The following ATE1 variants were observed in gnomAD, a reference collection of about 807,000 sequenced individuals.
The protein encoded by ATE1 is arginyltransferase 1, also known as arginyl-tRNA--protein transferase 1.
Under a neutral mutation model 70.5 loss-of-function variants are expected in ATE1, and 36 were observed. The observed-to-expected ratio is 0.51, with a 90% confidence interval of 0.39 to 0.67. The LOEUF is 0.67. Among genes scored for constraint, ATE1 ranks in the 30% least tolerant of loss-of-function variants. ATE1 has a pLI of 0.00. For missense variants in ATE1, 593 were observed against 629.5 expected (o/e 0.94, Z 0.62); for synonymous variants, 232 against 219.3 (o/e 1.06, Z -0.51).
At chr10:121,760,050 G>A (rs759747366) in intron 11 of ATE1, among the ~76,000 whole-genome samples, 8 of 152,162 alleles carry the variant, frequency 5.3e-5, no homozygotes, top group African/African-American at 9.7e-5. Context: ...TCTTTGCAGC[G>A]TATTTTACTG....
chr10:121,822,345 A>G (rs1947831172), intron 10 of ATE1, among the ~76,000 whole-genome samples: 1 of 152,220 alleles, frequency 6.6e-6, no homozygotes, highest in Non-Finnish European at 1.5e-5. Flanking sequence ...ACTAGTCTGT[A>G]GTGTTAAAAG....
intron 7 of ATE1, among the ~76,000 whole-genome samples, chr10:121,886,667 C>T (rs576461855): frequency 3.2e-4 from 49 of 152,264 alleles, no homozygotes; most frequent in African/African-American, 1.2e-3. Context: ...ATTAGAAGTG[C>T]TTTGGTTTTT....
At chr10:121,791,024 A>G (rs1021099722) in intron 10 of ATE1, among the ~76,000 whole-genome samples, 1 of 150,320 alleles carries the variant, frequency 6.7e-6, no homozygotes, top group Admixed American at 6.7e-5. Context: ...ACATGTGTGT[A>G]TATATGTATA....
chr10:121,793,626 G>A (rs1273016680), intron 10 of ATE1, among the ~76,000 whole-genome samples: 1 of 152,070 alleles, frequency 6.6e-6, no homozygotes, highest in Non-Finnish European at 1.5e-5. Flanking sequence ...AGAGGAATTT[G>A]CATTTTTCTT....
chr10:121,810,918 G>A (rs1247457999), intron 10 of ATE1, among the ~76,000 whole-genome samples: 4 of 151,932 alleles, frequency 2.6e-5, no homozygotes, highest in Non-Finnish European at 2.9e-5. Context: ...GGCCAGGCTG[G>A]TCTCGAACTC....
At position 121,887,835 on chromosome 10, in the gene ATE1, C is replaced by T. The variant is rs567861806; in HGVS notation, c.942+12031G>A. On this transcript the variant is annotated intron_variant, in intron 7 of 11. Transcript: ENST00000224652. ...GGTGAGAGGTAGGGAGTTGTGAATA[C>T]AGAGAGAAATCTCTTCTTTACAGAG... Among the ~76,000 whole-genome samples the T allele has an allele frequency of 2.6e-5, 4 of 152,286 alleles. No homozygotes were observed. In the South Asian group the frequency reaches 8.3e-4, roughly 32 times the overall value.
At chr10:121,790,320 C>T (rs575222726) in intron 10 of ATE1, 31 bp from the exon 11 acceptor site, 1 of 1,609,416 alleles carries the variant, frequency 6.2e-7, no homozygotes, top group Non-Finnish European at 8.5e-7. Flanking sequence ...AAGGCACAGG[C>T]ATTATTAACA....
chr10:121,828,487 C>G (rs972468744), intron 10 of ATE1, among the ~76,000 whole-genome samples: 3 of 152,168 alleles, frequency 2.0e-5, no homozygotes, highest in African/African-American at 7.2e-5. Context: ...CTTCAGGCCT[C>G]ATACAGTGGC....
chr10:121,810,874 TG>T (rs1398556935), intron 10 of ATE1, among the ~76,000 whole-genome samples: 1 of 152,040 alleles, frequency 6.6e-6, no homozygotes, highest in Non-Finnish European at 1.5e-5. Flanking sequence ...AGCTAATTTT[TG>T]TATTTTTAAT....
At chr10:121,923,512 G>C (rs1166546347) in intron 2 of ATE1, among the ~76,000 whole-genome samples, 1 of 152,124 alleles carries the variant, frequency 6.6e-6, no homozygotes, top group Non-Finnish European at 1.5e-5. Context: ...CCTTATCATG[G>C]CATGTGAAGT....
intron 2 of ATE1, among the ~76,000 whole-genome samples, chr10:121,923,396 T>A (rs1350066638): frequency 6.6e-6 from 1 of 152,106 alleles, no homozygotes; most frequent in Non-Finnish European, 1.5e-5. Context: ...GTGTGGGAAT[T>A]TGGGGTTACA....
chr10:121,805,743 C>A (rs918442310), intron 10 of ATE1, among the ~76,000 whole-genome samples: 1 of 152,112 alleles, frequency 6.6e-6, no homozygotes, highest in Non-Finnish European at 1.5e-5. Context: ...AAATCCTTAA[C>A]GTTTGCAAGA....
In ATE1 at chr10:121,764,303, C is replaced by T. The variant is rs375695998; in HGVS notation, c.1379-20445G>A. ...GAGAATGTTCTACACTACACCTTTG[C>T]CGTTTTTCTATAAATCTACAACTAT... On this transcript the variant is annotated intron_variant, in intron 11 of 11. Transcript: ENST00000224652. Among the ~76,000 whole-genome samples, 9 of 151,922 alleles carry T rather than the reference C, an allele frequency of 5.9e-5. No homozygotes were observed. The East Asian group carries it at 9.7e-4, about 16-fold the overall frequency.
intron 11 of ATE1, among the ~76,000 whole-genome samples, chr10:121,762,065 G>A (rs1342842749): frequency 6.6e-6 from 1 of 152,076 alleles, no homozygotes; most frequent in Non-Finnish European, 1.5e-5. Flanking sequence ...AGTCAAAGTT[G>A]TCCCCTTGTT....
chr10:121,912,025 C>T (rs1010456973), intron 4 of ATE1, among the ~76,000 whole-genome samples: 3 of 151,690 alleles, frequency 2.0e-5, no homozygotes, highest in Non-Finnish European at 2.9e-5. Flanking sequence ...GGATTACAGG[C>T]GTGAACCACC....
chr10:121,824,402 T>C (rs1319328180), intron 10 of ATE1, among the ~76,000 whole-genome samples: 1 of 152,216 alleles, frequency 6.6e-6, no homozygotes, highest in African/African-American at 2.4e-5. Flanking sequence ...TTGAAAAGCT[T>C]GGAAACTTGG....
Position 121,741,044 on chromosome 10 carries a change from T to C in ATE1, c.*2636A>G, listed in dbSNP as rs983340423. The C allele has an allele frequency of 6.6e-6, 1 of 152,180 alleles. No individual in the cohort carries two copies. 9.4% of individuals were successfully genotyped at this position (152,180 alleles called of 1,614,324 possible). On this transcript the variant is annotated 3_prime_UTR_variant, in exon 12 of 12. Transcript: ENST00000224652. ...AAACAGGAAGGCAGGTGTGATGTAT[T>C]TGAAAATCAGAAAGGGACACAACAC...
At chr10:121,909,939 G>GA (rs1415566385) in intron 5 of ATE1, among the ~76,000 whole-genome samples, 1 of 152,128 alleles carries the variant, frequency 6.6e-6, no homozygotes, top group African/African-American at 2.4e-5. Flanking sequence ...ACCTACTCAG[G>GA]AACCTAAGGC....
chr10:121,842,072 C>T (rs770868255), intron 8 of ATE1, among the ~76,000 whole-genome samples: 12 of 152,158 alleles, frequency 7.9e-5, no homozygotes, highest in Admixed American at 2.0e-4. Context: ...AGAAGGTACA[C>T]AATCCCATTG....
Sources: gnomAD v4.1 joint callset for allele counts (sites outside exome capture counted in the v4.1 genomes callset) on GRCh38, gnomAD v4.1.1 for gene constraint, MANE v1.5 for transcripts, NCBI Gene and HGNC (gene_info 2026-07-23, HGNC 2026-07-21) for gene names.